Variants in GNAI3 observed in about 807,000 individuals in gnomAD.
The protein encoded by GNAI3 is G protein subunit alpha i3.
A neutral mutation model predicts 41.8 loss-of-function variants in GNAI3; 12 were observed. That is an observed-to-expected ratio of 0.29 (90% CI 0.18 to 0.47). The LOEUF (loss-of-function observed/expected upper bound fraction) is 0.47. Ranked by LOEUF, GNAI3 falls within the 20% of genes least tolerant of loss-of-function variation. The pLI is 1.00. For synonymous variants in GNAI3, 132 were observed against 146.5 expected (o/e 0.90, Z 0.71); for missense variants, 360 against 429.6 (o/e 0.84, Z 1.43).
chr1:109,577,637 C>T (rs1004318965), intron 3 of GNAI3, among the ~76,000 whole-genome samples: 3 of 152,094 alleles, frequency 2.0e-5, no homozygotes, highest in African/African-American at 7.2e-5. Flanking sequence ...CGCCTGATCT[C>T]AGAAGCTAAA....
At chr1:109,564,422 T>C (rs6537830) in intron 1 of GNAI3, among the ~76,000 whole-genome samples, 43,235 of 151,928 alleles carry the variant, frequency 0.28, 7,306 homozygotes, top group African/African-American at 0.47. Context: ...CATTCTGTTT[T>C]CTCACTTACT....
At chr1:109,563,480 A>G (rs1423951264) in intron 1 of GNAI3, among the ~76,000 whole-genome samples, 2 of 152,214 alleles carry the variant, frequency 1.3e-5, no homozygotes, top group Non-Finnish European at 2.9e-5. Flanking sequence ...ATCAAAGGCA[A>G]GGAAGGAACT....
At chr1:109,575,063 T>G (rs1465668356) in intron 3 of GNAI3, among the ~76,000 whole-genome samples, 2 of 152,234 alleles carry the variant, frequency 1.3e-5, no homozygotes, top group Non-Finnish European at 2.9e-5. Flanking sequence ...GATTAGGGAT[T>G]GTGAAATGAG....
intron 4 of GNAI3, among the ~76,000 whole-genome samples, chr1:109,580,841 T>C (rs1485357552): frequency 6.6e-6 from 1 of 152,232 alleles, no homozygotes; most frequent in Non-Finnish European, 1.5e-5. Context: ...ACCAAAACAT[T>C]GTTATGCAGC....
At chr1:109,575,534 CTTTTTTTTT>C (rs747890363) in intron 3 of GNAI3, among the ~76,000 whole-genome samples, 742 of 52,924 alleles carry the variant, frequency 0.014, 11 homozygotes, top group South Asian at 0.13. Flanking sequence ...CCTTTCATTT[CTTTTTTTTT>C]TTTTTTTTTT....
intron 1 of GNAI3, among the ~76,000 whole-genome samples, chr1:109,551,657 A>G (rs1430398266): frequency 6.6e-6 from 1 of 152,210 alleles, no homozygotes; most frequent in South Asian, 2.1e-4. Flanking sequence ...AGGATTAAAT[A>G]TGGTAATAAT....
chr1:109,576,974 C>G (rs1419612963), intron 3 of GNAI3, among the ~76,000 whole-genome samples: 1 of 150,394 alleles, frequency 6.6e-6, no homozygotes, highest in African/African-American at 2.4e-5. Context: ...ATAATTCCCT[C>G]TCTTTTGAAG....
chr1:109,562,446 T>G (rs1426597139), intron 1 of GNAI3, among the ~76,000 whole-genome samples: 1 of 152,160 alleles, frequency 6.6e-6, no homozygotes, highest in Non-Finnish European at 1.5e-5. Flanking sequence ...TGTATAAAAT[T>G]TAGGGGAACT....
At chr1:109,583,975 AT>A (rs1394483992) in intron 5 of GNAI3, among the ~76,000 whole-genome samples, 3 of 152,132 alleles carry the variant, frequency 2.0e-5, no homozygotes, top group African/African-American at 7.2e-5. Context: ...TTTGGTTCCC[AT>A]TTTCTTCTTT....
At chr1:109,561,518 C>T (rs1648309727) in intron 1 of GNAI3, among the ~76,000 whole-genome samples, 1 of 152,198 alleles carries the variant, frequency 6.6e-6, no homozygotes, top group Non-Finnish European at 1.5e-5. Flanking sequence ...TACACCATTG[C>T]ATTTAGTCAA....
chr1:109,550,949 A>G (rs899402034), intron 1 of GNAI3, among the ~76,000 whole-genome samples: 2 of 152,248 alleles, frequency 1.3e-5, no homozygotes, highest in Non-Finnish European at 2.9e-5. Flanking sequence ...GTTTATTGTA[A>G]TGTAGTTGGA....
chr1:109,591,986 A>T, intron 7 of GNAI3, 57 bp from the exon 8 acceptor site: 1 of 1,047,610 alleles, frequency 9.5e-7, no homozygotes, highest in Non-Finnish European at 1.4e-6. Flanking sequence ...GGTCTGACTT[A>T]GTTGAGTTCA....
At chr1:109,570,028 T>C (rs929123649) in intron 1 of GNAI3, among the ~76,000 whole-genome samples, 3 of 152,210 alleles carry the variant, frequency 2.0e-5, no homozygotes, top group Admixed American at 2.0e-4. Flanking sequence ...CTGGGAATTC[T>C]GTCTTTTAAG....
intron 5 of GNAI3, among the ~76,000 whole-genome samples, chr1:109,583,398 A>G (rs1213353180): frequency 1.3e-5 from 2 of 151,968 alleles, no homozygotes; most frequent in Non-Finnish European, 2.9e-5. Flanking sequence ...AATTTTATGT[A>G]GAGACAGGAT....
rs150823209 is a variant in GNAI3, at chr1:109,570,368, T to C, written c.119-3369T>C. Among the ~76,000 whole-genome samples the C allele has an allele frequency of 6.5e-3, 995 of 152,330 alleles. 12 individuals are homozygous for C. The highest frequency in any genetic ancestry group is 0.05 in the South Asian group (242 of 4,824). On this transcript the variant is annotated intron_variant, in intron 1 of 8. Coordinates refer to ENST00000369851, the MANE Select transcript of GNAI3 (RefSeq NM_006496.4). ...AAATATTATTCATTGTTTAGTAATA[T>C]TTATTTGAGTAGATAATTTATGTCA...
At chr1:109,583,666 T>G (rs1648953589) in intron 5 of GNAI3, among the ~76,000 whole-genome samples, 1 of 152,032 alleles carries the variant, frequency 6.6e-6, no homozygotes, top group Non-Finnish European at 1.5e-5. Context: ...TTGCAACCTC[T>G]GCCTTCCGGG....
intron 7 of GNAI3, among the ~76,000 whole-genome samples, chr1:109,591,036 C>T (rs1164419776): frequency 1.3e-5 from 2 of 152,066 alleles, no homozygotes; most frequent in African/African-American, 4.8e-5. Flanking sequence ...TCTAAAGGTT[C>T]TATAAGTAGA....
intron 5 of GNAI3, among the ~76,000 whole-genome samples, chr1:109,583,457 C>G (rs1648947375): frequency 6.6e-6 from 1 of 152,224 alleles, no homozygotes; most frequent in South Asian, 2.1e-4. Flanking sequence ...TCAGGCTATT[C>G]TCCCACCTCA....
intron 1 of GNAI3, among the ~76,000 whole-genome samples, chr1:109,563,624 T>C (rs1479161186): frequency 6.6e-6 from 1 of 152,200 alleles, no homozygotes; most frequent in Non-Finnish European, 1.5e-5. Flanking sequence ...CTTGTTAACT[T>C]TCTGCTTTAT....
Sources: allele counts gnomAD v4.1 joint callset (sites outside exome capture counted in the v4.1 genomes callset), GRCh38; gene constraint gnomAD v4.1.1; transcripts MANE v1.5; gene names NCBI Gene and HGNC (gene_info 2026-07-23, HGNC 2026-07-21).